HLCS: variants seen among roughly 807,000 people sequenced by gnomAD.
HLCS encodes the protein holocarboxylase synthetase.
HLCS carries 53 observed loss-of-function variants against 75.0 expected under a neutral mutation model. The ratio of observed to expected loss-of-function variants is 0.71; its 90% confidence interval spans 0.57 to 0.89. HLCS has a LOEUF of 0.89. HLCS is among the 40% of genes least tolerant of loss of function. The pLI is 0.00. For missense variants in HLCS, 966 were observed against 1,074.0 expected (o/e 0.90, Z 1.41); for synonymous variants, 431 against 428.6 (o/e 1.01, Z -0.07).
At chr21:36,865,688 T>C (rs770284844) in intron 6 of HLCS, among the ~76,000 whole-genome samples, 4 of 152,230 alleles carry the variant, frequency 2.6e-5, no homozygotes, top group Non-Finnish European at 5.9e-5. Context: ...TGATAGAAAA[T>C]TCTGAACATT....
chr21:36,933,336 T>C (rs570441118), intron 4 of HLCS, among the ~76,000 whole-genome samples: 1 of 151,832 alleles, frequency 6.6e-6, no homozygotes, highest in East Asian at 2.0e-4. Context: ...CCTCACCTGA[T>C]GTCAGGAGTT....
intron 6 of HLCS, among the ~76,000 whole-genome samples, chr21:36,804,437 GCTGAGCTTCTCCA>G (rs1254378387): frequency 2.0e-5 from 3 of 152,164 alleles, no homozygotes; most frequent in Non-Finnish European, 4.4e-5. Context: ...ACCATCAGAA[GCTGAGCTTCTCCA>G]GAGGACACTG....
intron 6 of HLCS, among the ~76,000 whole-genome samples, chr21:36,872,395 A>G (rs1348975351): frequency 6.6e-6 from 1 of 152,046 alleles, no homozygotes; most frequent in East Asian, 1.9e-4. Flanking sequence ...TGTCTCAAAA[A>G]AAAAAAAAAA....
chr21:36,902,736 G>A (rs2065289723), intron 5 of HLCS, among the ~76,000 whole-genome samples: 1 of 152,220 alleles, frequency 6.6e-6, no homozygotes, highest in South Asian at 2.1e-4. Context: ...AATGCAGTGG[G>A]GAGAATCTTC....
chr21:36,882,010 T>C (rs1255379094), intron 6 of HLCS, among the ~76,000 whole-genome samples: 1 of 150,792 alleles, frequency 6.6e-6, no homozygotes, highest in Non-Finnish European at 1.5e-5. Flanking sequence ...CGGCCGGGCA[T>C]GGTGGCTCAC....
chr21:36,825,957 C>T (rs547155843), intron 6 of HLCS, among the ~76,000 whole-genome samples: 6 of 152,248 alleles, frequency 3.9e-5, no homozygotes, highest in African/African-American at 1.4e-4. Flanking sequence ...TCCCAACAAC[C>T]AAGGAATAGA....
chr21:36,916,547 T>C (rs1382468059), intron 5 of HLCS, among the ~76,000 whole-genome samples: 2 of 133,662 alleles, frequency 1.5e-5, no homozygotes, highest in Non-Finnish European at 3.2e-5. Context: ...TTTTTTTTTA[T>C]CTTTTGTAGA....
intron 7 of HLCS, 50 bp from the exon 8 acceptor site, chr21:36,765,222 A>C (rs2089992036): frequency 6.4e-7 from 1 of 1,557,884 alleles, no homozygotes; most frequent in African/African-American, 1.4e-5. Flanking sequence ...ACGTGGACAG[A>C]CGCAGACACA....
chr21:36,771,249 T>TAAATAAATAA lies in HLCS; in HGVS notation c.1893-3965_1893-3964insTTATTTATTT, dbSNP rs1369792062. ...AAATAAATAAATAAATAAATAAATA[T>TAAATAAATAA]AAAATAAAATAAAAAGAAACAAGAC... is the stretch of plus-strand genomic sequence containing the variant. On this transcript the variant is annotated intron_variant, in intron 6 of 10. Transcript: ENST00000674895. Among the ~76,000 whole-genome samples the TAAATAAATAA allele has an allele frequency of 1.5e-3, 196 of 134,918 alleles. 1 individual carries two copies. Among genetic ancestry groups the TAAATAAATAA allele is most frequent in the African/African-American group, 4.4e-3 (137 of 31,256 alleles). The allele number at this position is 134,918 out of a possible 152,430, so 88.5% of individuals were successfully genotyped here.
At chr21:36,902,077 G>A (rs1248330733) in intron 5 of HLCS, among the ~76,000 whole-genome samples, 2 of 152,140 alleles carry the variant, frequency 1.3e-5, no homozygotes, top group African/African-American at 2.4e-5. Flanking sequence ...GCTGGCCTTG[G>A]TGCCACAGAG....
Position 36,748,777 on chromosome 21 carries a change from CT to C in HLCS, c.*5468del, listed in dbSNP as rs2089275151. ...ACAAGCTCTTACTTCCCCCTAACCC[CT>C]ATGAACTCTTGATAACACCAAGAGT... On this transcript the variant is annotated 3_prime_UTR_variant, in exon 11 of 11. Transcript: ENST00000674895. 1 of 152,640 alleles carries C rather than the reference CT, an allele frequency of 6.6e-6. No individual in the cohort carries two copies. Among genetic ancestry groups the C allele is most frequent in the Non-Finnish European group, 1.5e-5 (1 of 68,046 alleles). 9.5% of individuals were successfully genotyped at this position (152,640 alleles called of 1,614,324 possible).
At chr21:36,773,547 G>A (rs2060270774) in intron 6 of HLCS, among the ~76,000 whole-genome samples, 1 of 152,222 alleles carries the variant, frequency 6.6e-6, no homozygotes, top group African/African-American at 2.4e-5. Context: ...TCTCCCTCGG[G>A]CCTGGAGGGC....
intron 6 of HLCS, among the ~76,000 whole-genome samples, chr21:36,864,184 G>A (rs1344634396): frequency 6.6e-6 from 1 of 152,120 alleles, no homozygotes; most frequent in Non-Finnish European, 1.5e-5. Context: ...CGGATCACTT[G>A]AGGTCAGGAG....
intron 6 of HLCS, among the ~76,000 whole-genome samples, chr21:36,894,416 T>C (rs1159488534): frequency 1.3e-5 from 2 of 152,234 alleles, no homozygotes; most frequent in African/African-American, 2.4e-5. Context: ...TGCATCCATC[T>C]ATCTCGTGGT....
Position 36,862,380 on chromosome 21 carries a change from C to T in HLCS, c.1892+34480G>A, listed in dbSNP as rs139194410. ...GCAAGGCGCTGCCTGTTTTCCAAAG[C>T]AGCTGCCCCATTTTACATTCCCATC... On this transcript the variant is annotated intron_variant, in intron 6 of 10. Coordinates refer to ENST00000674895, the MANE Select transcript of HLCS (RefSeq NM_001352514.2). Among the ~76,000 whole-genome samples, 10 of 152,308 alleles carry T rather than the reference C, an allele frequency of 6.6e-5. No homozygotes were observed. The East Asian group carries it at 1.9e-3, about 29-fold the overall frequency.
intron 6 of HLCS, among the ~76,000 whole-genome samples, chr21:36,815,931 C>T (rs2061651397): frequency 1.3e-5 from 2 of 152,118 alleles, no homozygotes. Context: ...ATTCTCCCAC[C>T]CAGGAAATTC....
intron 6 of HLCS, among the ~76,000 whole-genome samples, chr21:36,866,651 A>T (rs1273007942): frequency 6.6e-6 from 1 of 152,230 alleles, no homozygotes; most frequent in Non-Finnish European, 1.5e-5. Flanking sequence ...AGTCCTCAAA[A>T]GCAATCTTGC....
At chr21:36,797,919 G>C (rs958871594) in intron 6 of HLCS, among the ~76,000 whole-genome samples, 6 of 152,162 alleles carry the variant, frequency 3.9e-5, no homozygotes, top group Admixed American at 2.0e-4. Flanking sequence ...TTACGTTCTG[G>C]CAGGAGGAGT....
At chr21:36,844,057 G>A (rs143691779) in intron 6 of HLCS, among the ~76,000 whole-genome samples, 5 of 152,172 alleles carry the variant, frequency 3.3e-5, no homozygotes, top group Non-Finnish European at 7.3e-5. Flanking sequence ...CTATGCATGA[G>A]AAATAGTTTC....
Sources: allele counts gnomAD v4.1 joint callset (sites outside exome capture counted in the v4.1 genomes callset), GRCh38; gene constraint gnomAD v4.1.1; transcripts MANE v1.5; gene names NCBI Gene and HGNC (gene_info 2026-07-23, HGNC 2026-07-21).